The following RTF2 variants were observed in gnomAD, a reference collection of about 807,000 sequenced individuals.
RTF2 encodes the protein UPF0549 protein C20orf43.
RTF2 carries 18 observed loss-of-function variants against 38.0 expected under a neutral mutation model. The observed-to-expected ratio is 0.47, with a 90% confidence interval of 0.33 to 0.70. The LOEUF is 0.70. RTF2 is among the 30% of genes least tolerant of loss of function. The pLI, the probability that RTF2 is intolerant of heterozygous loss-of-function variation, is 0.02. For synonymous variants in RTF2, 126 were observed against 137.1 expected, an observed-to-expected ratio of 0.92 and a Z score of 0.57; for missense variants, 311 against 379.6, an observed-to-expected ratio of 0.82 and a Z score of 1.50.
intron 4 of RTF2, among the ~76,000 whole-genome samples, chr20:56,478,325 C>T (rs548656900): frequency 2.0e-5 from 3 of 151,956 alleles, no homozygotes; most frequent in Non-Finnish European, 4.4e-5. Flanking sequence ...CCTGTCTTTA[C>T]GAAACAAAAT....
intron 5 of RTF2, among the ~76,000 whole-genome samples, chr20:56,499,353 G>A (rs1270542459): frequency 6.6e-6 from 1 of 151,676 alleles, no homozygotes; most frequent in South Asian, 2.1e-4. Flanking sequence ...GCTAATTTTT[G>A]TATTTTTTTA....
intron 5 of RTF2, among the ~76,000 whole-genome samples, chr20:56,508,168 A>T (rs993707766): frequency 7.9e-5 from 12 of 152,186 alleles, no homozygotes; most frequent in African/African-American, 2.9e-4. Flanking sequence ...TTAACCTGAA[A>T]ATCACTGTTG....
chr20:56,491,690 G>T (rs1057028137), intron 5 of RTF2: 165 of 1,552,160 alleles, frequency 1.1e-4, no homozygotes, highest in Non-Finnish European at 1.4e-4. Context: ...CGGGTCTGTC[G>T]AGGGTTCGAA....
intron 5 of RTF2, among the ~76,000 whole-genome samples, chr20:56,499,606 C>A (rs1395332274): frequency 1.3e-5 from 2 of 152,010 alleles, no homozygotes; most frequent in African/African-American, 2.4e-5. Context: ...GAAAGTAAAG[C>A]TTTTTACTAC....
At chr20:56,516,344 G>A (rs1470751262) in intron 6 of RTF2, 1 of 152,288 alleles carries the variant, frequency 6.6e-6, no homozygotes, top group African/African-American at 2.4e-5. Flanking sequence ...TATTATTGCT[G>A]ATCAAAATAA....
intron 5 of RTF2, among the ~76,000 whole-genome samples, chr20:56,487,651 G>A (rs931887183): frequency 6.6e-6 from 1 of 152,238 alleles, no homozygotes; most frequent in Non-Finnish European, 1.5e-5. Context: ...TGAATACTCT[G>A]TGCTAGTTTG....
chr20:56,474,673 T>C lies in RTF2; in HGVS notation c.165-5T>C, dbSNP rs373959751. ...GACATAATATTCTAATACTTACTAT[T>C]GCAGACTTTATAACAAAGATGCCGT... On this transcript the variant is annotated splice_region_variant and splice_polypyrimidine_tract_variant and intron_variant, in intron 2 of 8. Transcript: ENST00000357348. 6 of 1,593,338 alleles carry C rather than the reference T, an allele frequency of 3.8e-6. No homozygotes were observed. The African/African-American group carries it at 5.4e-5, about 14-fold the overall frequency.
intron 5 of RTF2, among the ~76,000 whole-genome samples, chr20:56,509,967 CATT>C (rs1300839240): frequency 1.3e-5 from 2 of 150,962 alleles, no homozygotes; most frequent in East Asian, 2.0e-4. Context: ...ATCTTTAAAA[CATT>C]ATGCTAAAAT....
At chr20:56,503,950 A>G (rs1420947877) in intron 5 of RTF2, 1 of 152,684 alleles carries the variant, frequency 6.5e-6, no homozygotes, top group Non-Finnish European at 1.5e-5. Context: ...CCTGGGTGAC[A>G]AAGTGAGACC....
At chr20:56,485,479 C>T (rs1006338891) in intron 5 of RTF2, among the ~76,000 whole-genome samples, 13 of 152,144 alleles carry the variant, frequency 8.5e-5, no homozygotes, top group African/African-American at 2.9e-4. Context: ...CAGAAGGCAG[C>T]TGTAAGCCGG....
rs539825559 is a variant in RTF2, at chr20:56,502,679, G to A, written c.478-10636G>A. The stretch of plus-strand genomic sequence containing the variant: ...CCGAAGTATTTTGCCATATATTCTA[G>A]CATATTACCATTTTAAAGCATTAAC... On this transcript the variant is annotated intron_variant, in intron 5 of 8. Transcript: ENST00000357348. Among the ~76,000 whole-genome samples, 9 of 152,292 alleles carry A rather than the reference G, an allele frequency of 5.9e-5. No homozygotes were observed. The South Asian group carries it at 1.2e-3, about 21-fold the overall frequency.
At position 56,477,045 on chromosome 20, in the gene RTF2, A is replaced by G; in HGVS notation, c.319A>G (p.Lys107Glu). Residue 107 changes from lysine (K) to glutamate (E), a missense_variant, in exon 4 of 9, where the codon AAA becomes GAA. Transcript: ENST00000357348. ...PAWEGDKGNT[K>E]GDKHDDLQRA... ...CTGGGAAGGGGATAAAGGAAACACTAAAGGTGACAAGCACGATGACCTCCA... is the reference window on the plus strand; with the variant it reads ...CTGGGAAGGGGATAAAGGAAACACTGAAGGTGACAAGCACGATGACCTCCA... The G allele has an allele frequency of 6.2e-7, 1 of 1,614,148 alleles. No individual in the cohort carries two copies.
intron 5 of RTF2, among the ~76,000 whole-genome samples, chr20:56,492,167 G>A (rs1199978237): frequency 6.6e-6 from 1 of 152,010 alleles, no homozygotes; most frequent in African/African-American, 2.4e-5. Flanking sequence ...TAGTTCATAA[G>A]AATGGTATGG....
Position 56,517,336 on chromosome 20 carries a change from A to G in RTF2, c.742+135A>G, listed in dbSNP as rs1985113497. The G allele has an allele frequency of 4.3e-6, 3 of 690,252 alleles. 1 individual carries two copies. In the South Asian group the frequency reaches 5.0e-5, roughly 12 times the overall value. 42.8% of individuals were successfully genotyped at this position (690,252 alleles called of 1,614,324 possible). On this transcript the variant is annotated intron_variant, in intron 8 of 8. Transcript: ENST00000357348. Reference sequence around the variant, plus strand: ...GTCATGTCTCTAGAGAGTGCACTGAACTCTCTTTAGGGGGGTAACTAAGAA... The same window carrying G: ...GTCATGTCTCTAGAGAGTGCACTGAGCTCTCTTTAGGGGGGTAACTAAGAA...
At chr20:56,498,905 A>G (rs896779079) in intron 5 of RTF2, among the ~76,000 whole-genome samples, 2 of 152,162 alleles carry the variant, frequency 1.3e-5, no homozygotes, top group African/African-American at 4.8e-5. Context: ...CATTTTTACA[A>G]ATGCTGTTTG....
At chr20:56,474,880 C>A in intron 3 of RTF2, 109 bp downstream of exon 3, 1 of 636,530 alleles carries the variant, frequency 1.6e-6, no homozygotes, top group Non-Finnish European at 2.7e-6. Context: ...GGATTCCATT[C>A]CCACATGGCC....
chr20:56,517,882 C>T (rs371039821), intron 8 of RTF2, among the ~76,000 whole-genome samples: 142 of 152,214 alleles, frequency 9.3e-4, no homozygotes, highest in African/African-American at 3.3e-3. Context: ...CCAGTGTCTG[C>T]GACAGAGCAA....
At chr20:56,468,882 T>G (rs898922490) in intron 1 of RTF2, 116 bp downstream of exon 1, 2 of 795,078 alleles carry the variant, frequency 2.5e-6, no homozygotes, top group African/African-American at 3.5e-5. Flanking sequence ...GCTGCGGTCT[T>G]TTATTCCATT....
intron 5 of RTF2, among the ~76,000 whole-genome samples, chr20:56,505,722 A>G (rs914368368): frequency 6.6e-6 from 1 of 152,102 alleles, no homozygotes; most frequent in Non-Finnish European, 1.5e-5. Flanking sequence ...ACACTTCCAC[A>G]TTGCTGCGGG....
Sources: gnomAD v4.1 joint callset for allele counts (sites outside exome capture counted in the v4.1 genomes callset) on GRCh38, gnomAD v4.1.1 for gene constraint, MANE v1.5 for transcripts, NCBI Gene and HGNC (gene_info 2026-07-23, HGNC 2026-07-21) for gene names.